The following HS2ST1 variants were observed in gnomAD, a reference collection of about 807,000 sequenced individuals.
HS2ST1 encodes the protein heparan sulfate 2-O-sulfotransferase 1, also known as 2-O-sulfotransferase.
HS2ST1 carries 18 observed loss-of-function variants against 42.9 expected under a neutral mutation model. That is an observed-to-expected ratio of 0.42 (90% CI 0.29 to 0.62). The LOEUF is 0.62. Ranked by LOEUF, HS2ST1 falls within the 20% of genes least tolerant of loss-of-function variation. The pLI, the probability that HS2ST1 is intolerant of heterozygous loss-of-function variation, is 0.21. For synonymous variants in HS2ST1, 146 were observed against 152.9 expected (o/e 0.95, Z 0.33); for missense variants, 334 against 433.8 (o/e 0.77, Z 2.04).
At chr1:87,100,324 G>A (rs1254017686) in intron 5 of HS2ST1, among the ~76,000 whole-genome samples, 2 of 152,220 alleles carry the variant, frequency 1.3e-5, no homozygotes, top group Non-Finnish European at 2.9e-5. Flanking sequence ...CCCCAGAGTG[G>A]TGGCCCAAGC....
chr1:87,010,339 A>C (rs1649563345), intron 1 of HS2ST1, among the ~76,000 whole-genome samples: 1 of 151,948 alleles, frequency 6.6e-6, no homozygotes, highest in African/African-American at 2.4e-5. Context: ...TTTTCTTCTT[A>C]ATTACTATTT....
chr1:87,090,322 C>G (rs1032005642), intron 3 of HS2ST1, among the ~76,000 whole-genome samples: 2 of 151,960 alleles, frequency 1.3e-5, no homozygotes, highest in Non-Finnish European at 2.9e-5. Flanking sequence ...AACTTCTACT[C>G]TAATACCGAA....
rs1390206692 is a variant in HS2ST1, at chr1:87,102,161, C to T, written c.687-1271C>T. 2.0e-5 allele frequency among the ~76,000 whole-genome samples: 3 copies of T among 152,084 alleles called. No individual in the cohort carries two copies. The East Asian group carries it at 5.8e-4, about 29-fold the overall frequency. On this transcript the variant is annotated intron_variant, in intron 5 of 6. Coordinates refer to ENST00000370550, the MANE Select transcript of HS2ST1 (RefSeq NM_012262.4). The stretch of plus-strand genomic sequence containing the variant: ...CAAACCTCCACCTCCCAGGTTCAAG[C>T]AATTCTCCTGCCTCAGCCTCCTGAG...
intron 3 of HS2ST1, among the ~76,000 whole-genome samples, chr1:87,085,903 A>G (rs1651805947): frequency 6.6e-6 from 1 of 152,236 alleles, no homozygotes; most frequent in Non-Finnish European, 1.5e-5. Flanking sequence ...AATCTCATTT[A>G]TTAAATGCTG....
At chr1:86,971,310 A>T (rs1648226981) in intron 1 of HS2ST1, among the ~76,000 whole-genome samples, 1 of 152,128 alleles carries the variant, frequency 6.6e-6, no homozygotes. Context: ...AAACAAAACA[A>T]AACAAAAAAA....
At position 86,948,093 on chromosome 1, in the gene HS2ST1, C is replaced by G. The variant is rs77328137; in HGVS notation, c.124+32933C>G. Among the ~76,000 whole-genome samples the G allele has an allele frequency of 6.4e-4, 97 of 151,584 alleles. No homozygotes were observed. In the East Asian group the frequency reaches 0.017, roughly 27 times the overall value. ...CTGGTTGTGCTTACCATATATGAAG[C>G]TTTCCATGAAGACTTCTCAAAGCTC... On this transcript the variant is annotated intron_variant, in intron 1 of 6. Transcript: ENST00000370550.
chr1:87,063,521 GA>G (rs1432504071), intron 1 of HS2ST1, among the ~76,000 whole-genome samples: 1 of 152,102 alleles, frequency 6.6e-6, no homozygotes, highest in Non-Finnish European at 1.5e-5. Context: ...ATTTTTGGTA[GA>G]GACAAGGTTT....
At chr1:87,009,885 A>T (rs12086289) in intron 1 of HS2ST1, among the ~76,000 whole-genome samples, 5,223 of 152,076 alleles carry the variant, frequency 0.034, 180 homozygotes, top group African/African-American at 0.088. Context: ...ATACAAAAAA[A>T]TTAGCTGGGC....
Position 87,097,847 on chromosome 1 carries a change from G to C in HS2ST1, c.598G>C (p.Glu200Gln). The change falls in exon 5 of 7, where the codon GAA (glutamate) becomes CAA (glutamine). Residue 200 changes from glutamate (E) to glutamine (Q), a missense_variant. Transcript: ENST00000370550. ...RKQGDKKTFD[E>Q]CVAEGGSDCA... ...TTTGTCTTTGTTCTAGACCTTTGAT[G>C]AATGTGTAGCAGAAGGTGGCTCAGA... 6.2e-7 allele frequency: 1 copy of C among 1,614,044 alleles called. No homozygotes were observed. The highest frequency in any genetic ancestry group is 8.5e-7 in the Non-Finnish European group (1 of 1,179,952).
intron 1 of HS2ST1, among the ~76,000 whole-genome samples, chr1:87,021,826 T>C (rs1321150540): frequency 2.0e-5 from 3 of 152,202 alleles, no homozygotes; most frequent in East Asian, 3.8e-4. Context: ...GACAGTGTTA[T>C]TTCATACCAC....
intron 1 of HS2ST1, among the ~76,000 whole-genome samples, chr1:86,947,584 C>CTTTTT: frequency 7.2e-6 from 1 of 139,302 alleles, no homozygotes; most frequent in Admixed American, 7.2e-5. Flanking sequence ...GTCCCTTCTC[C>CTTTTT]TTTTTTTTTT....
chr1:87,094,524 C>A (rs934420320), intron 4 of HS2ST1, among the ~76,000 whole-genome samples: 1 of 152,046 alleles, frequency 6.6e-6, no homozygotes, highest in Non-Finnish European at 1.5e-5. Context: ...GTATTTTGCA[C>A]GGTGTCATTC....
chr1:86,938,067 A>G (rs1313267423), intron 1 of HS2ST1, among the ~76,000 whole-genome samples: 2 of 152,018 alleles, frequency 1.3e-5, no homozygotes, highest in Admixed American at 1.3e-4. Flanking sequence ...CTATTACTGT[A>G]ACATTCATAT....
intron 1 of HS2ST1, among the ~76,000 whole-genome samples, chr1:87,025,465 A>G (rs1455407155): frequency 1.3e-5 from 2 of 152,228 alleles, no homozygotes; most frequent in Non-Finnish European, 2.9e-5. Context: ...TCAGATCCTC[A>G]GCCCTAGGAT....
chr1:87,063,405 C>G (rs577068083), intron 1 of HS2ST1, among the ~76,000 whole-genome samples: 78 of 152,194 alleles, frequency 5.1e-4, no homozygotes, highest in African/African-American at 1.7e-3. Flanking sequence ...GGCGTGACTT[C>G]CGCTCACCGC....
At chr1:87,086,479 T>G (rs1372192752) in intron 3 of HS2ST1, among the ~76,000 whole-genome samples, 1 of 152,202 alleles carries the variant, frequency 6.6e-6, no homozygotes, top group Middle Eastern at 3.2e-3. Flanking sequence ...AAATACTTGC[T>G]TTCAGGAGAA....
At chr1:87,015,412 A>G (rs1465542058) in intron 1 of HS2ST1, among the ~76,000 whole-genome samples, 4 of 148,092 alleles carry the variant, frequency 2.7e-5, no homozygotes, top group East Asian at 2.0e-4. Context: ...CGGTGGCGCA[A>G]TCTCGGCTCA....
intron 2 of HS2ST1, among the ~76,000 whole-genome samples, chr1:87,076,989 A>G (rs1651562357): frequency 6.6e-6 from 1 of 152,210 alleles, no homozygotes; most frequent in African/African-American, 2.4e-5. Flanking sequence ...TCAGAGCAGC[A>G]CTTTAGATGA....
chr1:87,034,447 G>T (rs1221236322), intron 1 of HS2ST1, among the ~76,000 whole-genome samples: 2 of 152,098 alleles, frequency 1.3e-5, no homozygotes, highest in African/African-American at 4.8e-5. Flanking sequence ...TAACTTTATT[G>T]TTCAAGCTAT....
Sources: gnomAD v4.1 joint callset for allele counts (sites outside exome capture counted in the v4.1 genomes callset) on GRCh38, gnomAD v4.1.1 for gene constraint, MANE v1.5 for transcripts, NCBI Gene and HGNC (gene_info 2026-07-23, HGNC 2026-07-21) for gene names.